Variants in MAP3K3 observed in about 807,000 individuals in gnomAD.
The protein encoded by MAP3K3 is mitogen-activated protein kinase kinase kinase 3, also known as MAP/ERK kinase kinase 3.
Under a neutral mutation model 80.9 loss-of-function variants are expected in MAP3K3, and 12 were observed. That is an observed-to-expected ratio of 0.15 (90% CI 0.10 to 0.24). The LOEUF is 0.24. Ranked by LOEUF, MAP3K3 falls within the 10% of genes least tolerant of loss-of-function variation. The pLI is 1.00. For missense variants in MAP3K3, 596 were observed against 834.7 expected (o/e 0.71, Z 3.52); for synonymous variants, 272 against 307.1 (o/e 0.89, Z 1.19).
At chr17:63,671,112 T>G (rs563877895) in intron 6 of MAP3K3, among the ~76,000 whole-genome samples, 1 of 152,136 alleles carries the variant, frequency 6.6e-6, no homozygotes, top group African/African-American at 2.4e-5. Context: ...AGTAGGCTGA[T>G]GAAGTGGAGA....
At chr17:63,668,398 G>A (rs2035040304) in intron 6 of MAP3K3, 1 of 152,258 alleles carries the variant, frequency 6.6e-6, no homozygotes, top group Non-Finnish European at 1.5e-5. Flanking sequence ...ATTGGGGAAT[G>A]TGTTGGTTGA....
chr17:63,645,021 T>G (rs570630222), intron 2 of MAP3K3, among the ~76,000 whole-genome samples: 1 of 152,370 alleles, frequency 6.6e-6, no homozygotes, highest in Admixed American at 6.5e-5. Flanking sequence ...TTTTGCAATA[T>G]CTCTTCCTCT....
rs556038664 is a variant in MAP3K3, at chr17:63,690,023, A to G, written c.1064-241A>G. On this transcript the variant is annotated intron_variant, in intron 11 of 15. Coordinates refer to ENST00000361733, the MANE Select transcript of MAP3K3 (RefSeq NM_002401.5). ...GGGGCTTTGGAAGGAAATGCATTTGATCAATGCAGAAGAGCATTTAACCAT... is the reference window on the plus strand; with the variant it reads ...GGGGCTTTGGAAGGAAATGCATTTGGTCAATGCAGAAGAGCATTTAACCAT... The G allele has an allele frequency of 3.8e-5, 22 of 584,000 alleles. No individual in the cohort carries two copies. The South Asian group carries it at 4.7e-4, about 12-fold the overall frequency. 36.2% of individuals were successfully genotyped at this position (584,000 alleles called of 1,614,324 possible).
At chr17:63,675,456 C>G (rs2035199375) in intron 6 of MAP3K3, among the ~76,000 whole-genome samples, 1 of 152,158 alleles carries the variant, frequency 6.6e-6, no homozygotes, top group African/African-American at 2.4e-5. Flanking sequence ...TAGGGTTCTG[C>G]TATGAGAAGG....
chr17:63,682,482 A>G (rs909946465), intron 7 of MAP3K3: 1 of 152,228 alleles, frequency 6.6e-6, no homozygotes, highest in Non-Finnish European at 1.5e-5. Flanking sequence ...CATGACTCAA[A>G]TGGGTCCTCT....
At chr17:63,680,311 T>C (rs192816801) in intron 6 of MAP3K3, among the ~76,000 whole-genome samples, 1 of 152,176 alleles carries the variant, frequency 6.6e-6, no homozygotes, top group Non-Finnish European at 1.5e-5. Context: ...GGAGGGCTCT[T>C]GTGTCTCTGG....
intron 1 of MAP3K3, among the ~76,000 whole-genome samples, chr17:63,627,200 G>A (rs1018314155): frequency 2.6e-5 from 4 of 152,152 alleles, no homozygotes; most frequent in African/African-American, 9.7e-5. Context: ...AACTGCCTAA[G>A]AGCTTCTACT....
At chr17:63,687,901 C>A (rs1312213815) in intron 8 of MAP3K3, among the ~76,000 whole-genome samples, 1 of 151,622 alleles carries the variant, frequency 6.6e-6, no homozygotes, top group Non-Finnish European at 1.5e-5. Context: ...TGCTACAGCA[C>A]TCCAGCCCGG....
At chr17:63,643,480 C>G (rs1244157066) in intron 2 of MAP3K3, among the ~76,000 whole-genome samples, 1 of 151,982 alleles carries the variant, frequency 6.6e-6, no homozygotes, top group Non-Finnish European at 1.5e-5. Context: ...CACTGCACTC[C>G]AGCTTGGGTG....
intron 5 of MAP3K3, among the ~76,000 whole-genome samples, chr17:63,660,748 A>G (rs1337789777): frequency 1.3e-5 from 2 of 151,516 alleles, no homozygotes; most frequent in African/African-American, 4.9e-5. Context: ...ATGCACCACC[A>G]CAACCGCCTA....
intron 2 of MAP3K3, among the ~76,000 whole-genome samples, chr17:63,638,581 G>T (rs1245665411): frequency 6.6e-6 from 1 of 152,188 alleles, no homozygotes; most frequent in Non-Finnish European, 1.5e-5. Context: ...AGCCCGCACT[G>T]TCTCTCTCCT....
intron 2 of MAP3K3, among the ~76,000 whole-genome samples, chr17:63,634,247 A>G (rs1347968807): frequency 2.0e-5 from 3 of 152,166 alleles, no homozygotes; most frequent in Admixed American, 2.0e-4. Context: ...CTTGAGCCTA[A>G]TGACCTCACT....
At chr17:63,664,954 A>G (rs2034970287) in intron 5 of MAP3K3, among the ~76,000 whole-genome samples, 1 of 152,028 alleles carries the variant, frequency 6.6e-6, no homozygotes, top group South Asian at 2.1e-4. Flanking sequence ...GAATATTACA[A>G]AATGTCAGTG....
At chr17:63,655,987 T>A (rs1256754303) in intron 4 of MAP3K3, among the ~76,000 whole-genome samples, 1 of 152,140 alleles carries the variant, frequency 6.6e-6, no homozygotes, top group Non-Finnish European at 1.5e-5. Flanking sequence ...GCCAGCACTT[T>A]GGGAGGCTGA....
intron 1 of MAP3K3, among the ~76,000 whole-genome samples, chr17:63,629,492 A>G (rs1367111695): frequency 1.3e-5 from 2 of 152,202 alleles, no homozygotes; most frequent in Non-Finnish European, 2.9e-5. Flanking sequence ...CTGATAATTC[A>G]GTTAGTCTCA....
chr17:63,688,632 T>C, intron 9 of MAP3K3, 38 bp downstream of exon 9: 1 of 1,590,008 alleles, frequency 6.3e-7, no homozygotes, highest in Non-Finnish European at 8.6e-7. Flanking sequence ...ATGCAGGGTG[T>C]CTGGGTGGGG....
At position 63,690,432 on chromosome 17, in the gene MAP3K3, T is replaced by C; in HGVS notation, c.1212+20T>C. 1 of 1,610,106 alleles carries C rather than the reference T, an allele frequency of 6.2e-7. No individual in the cohort carries two copies. Among genetic ancestry groups the C allele is most frequent in the Non-Finnish European group, 8.5e-7 (1 of 1,177,556 alleles). ...AGCAAGGTACACTTAACCCGTGGTC[T>C]GACTTCAGTTCCCTCCTTTCAACAA... On this transcript the variant is annotated intron_variant, in intron 12 of 15. Transcript: ENST00000361733.
In MAP3K3 at chr17:63,693,010, G is replaced by T. The variant is rs1166390121; in HGVS notation, c.1653-539G>T. On this transcript the variant is annotated intron_variant, in intron 15 of 15. Coordinates refer to ENST00000361733, the MANE Select transcript of MAP3K3 (RefSeq NM_002401.5). The surrounding 1 kb of genome is among the most constrained non-coding windows in gnomAD (Gnocchi z 4.2). The stretch of plus-strand genomic sequence containing the variant: ...CTTACAGAAGGGTCTCAAGAGGTCA[G>T]AGTGGCTAATAGGAGGTGAGACAAT... 6.6e-6 allele frequency among the ~76,000 whole-genome samples: 1 copy of T among 152,214 alleles called. No individual in the cohort carries two copies. Among genetic ancestry groups the T allele is most frequent in the Non-Finnish European group, 1.5e-5 (1 of 68,038 alleles).
chr17:63,663,270 AG>A (rs768764439), intron 5 of MAP3K3, among the ~76,000 whole-genome samples: 3 of 152,082 alleles, frequency 2.0e-5, no homozygotes, highest in Middle Eastern at 3.2e-3. Flanking sequence ...TGGGAGGCTG[AG>A]GTAGGTGGAT....
Sources: allele counts gnomAD v4.1 joint callset (sites outside exome capture counted in the v4.1 genomes callset), GRCh38; gene constraint gnomAD v4.1.1; non-coding constraint Gnocchi (gnomAD v3.1); transcripts MANE v1.5; gene names NCBI Gene and HGNC (gene_info 2026-07-23, HGNC 2026-07-21).